The following KCNH7 variants were observed in gnomAD, a reference collection of about 807,000 sequenced individuals.
The protein encoded by KCNH7 is voltage-gated inwardly rectifying potassium channel KCNH7.
In KCNH7, 49 loss-of-function variants were observed where a neutral mutation model predicts 120.8. That is an observed-to-expected ratio of 0.41 (90% CI 0.32 to 0.51). The LOEUF (loss-of-function observed/expected upper bound fraction) is 0.51, where lower values mean the gene tolerates loss of function less well. Ranked by LOEUF, KCNH7 falls within the 20% of genes least tolerant of loss-of-function variation. The pLI is 0.38. For synonymous variants in KCNH7, 547 were observed against 516.1 expected, an observed-to-expected ratio of 1.06 and a Z score of -0.81; for missense variants, 1,097 against 1,446.6, an observed-to-expected ratio of 0.76 and a Z score of 3.92.
Position 162,518,018 on chromosome 2 carries a change from A to G in KCNH7, c.604T>C (p.Ser202Pro). 1 of 1,612,388 alleles carries G rather than the reference A, an allele frequency of 6.2e-7. No individual in the cohort carries two copies. Among genetic ancestry groups the G allele is most frequent in the Non-Finnish European group, 8.5e-7 (1 of 1,178,904 alleles). The change falls in exon 4 of 16, where the codon TCT becomes CCT. Residue 202 changes from serine (S) to proline (P), a missense_variant. By Grantham distance (74) the Ser-to-Pro change is moderately conservative. Transcript: ENST00000332142. Reference protein sequence around the residue: ...DDSVAMKHFKSPTKESCSPSE... With the variant: ...DDSVAMKHFKPPTKESCSPSE... Reference sequence around the variant, plus strand: ...GGGCTGCAGCTTTCTTTTGTAGGAGACTTAAAATGCTTCATGGCTACTGAA... The same window carrying G: ...GGGCTGCAGCTTTCTTTTGTAGGAGGCTTAAAATGCTTCATGGCTACTGAA...
intron 6 of KCNH7, among the ~76,000 whole-genome samples, chr2:162,455,731 G>A (rs957048019): frequency 6.6e-6 from 1 of 152,082 alleles, no homozygotes; most frequent in Non-Finnish European, 1.5e-5. Context: ...GCATAGAGGT[G>A]TTTATATTAT....
intron 9 of KCNH7, among the ~76,000 whole-genome samples, chr2:162,416,216 T>C (rs1044031250): frequency 6.6e-6 from 1 of 151,576 alleles, no homozygotes; most frequent in African/African-American, 2.4e-5. Flanking sequence ...CTACTAAAAA[T>C]ACAAAAATTA....
intron 2 of KCNH7, among the ~76,000 whole-genome samples, chr2:162,609,166 C>T (rs893893353): frequency 3.9e-5 from 6 of 152,270 alleles, no homozygotes; most frequent in African/African-American, 1.4e-4. Flanking sequence ...GCTTTTCCTA[C>T]ACAAACCCAA....
At chr2:162,836,450 T>TG in intron 2 of KCNH7, 87 bp downstream of exon 2, 1 of 933,338 alleles carries the variant, frequency 1.1e-6, no homozygotes. Flanking sequence ...TTGAACATTT[T>TG]GGGCTTCTTT....
chr2:162,652,926 TTC>T (rs1323561356), intron 2 of KCNH7, among the ~76,000 whole-genome samples: 2 of 151,836 alleles, frequency 1.3e-5, no homozygotes, highest in African/African-American at 4.9e-5. Flanking sequence ...GGATAAAACC[TTC>T]TTTCATTTTT....
At chr2:162,458,092 T>C (rs1689027735) in intron 6 of KCNH7, among the ~76,000 whole-genome samples, 1 of 146,866 alleles carries the variant, frequency 6.8e-6, no homozygotes, top group South Asian at 2.1e-4. Flanking sequence ...AAAATAGATA[T>C]TTGGCTATGT....
intron 6 of KCNH7, among the ~76,000 whole-genome samples, chr2:162,472,082 T>A (rs1340786307): frequency 1.3e-5 from 2 of 152,132 alleles, no homozygotes; most frequent in Admixed American, 1.3e-4. Context: ...TATACAAAAA[T>A]TAATTCAAGA....
chr2:162,632,433 A>C (rs998109965), intron 2 of KCNH7, among the ~76,000 whole-genome samples: 1 of 151,962 alleles, frequency 6.6e-6, no homozygotes, highest in East Asian at 1.9e-4. Context: ...TAGGATATCA[A>C]TTTCCCTTGA....
chr2:162,687,631 A>G (rs1479573831), intron 2 of KCNH7, among the ~76,000 whole-genome samples: 2 of 152,096 alleles, frequency 1.3e-5, no homozygotes, highest in Admixed American at 1.3e-4. Context: ...AAAGTTGGCA[A>G]ATGCTACAAA....
At chr2:162,825,235 G>C (rs2105602319) in intron 2 of KCNH7, among the ~76,000 whole-genome samples, 1 of 152,050 alleles carries the variant, frequency 6.6e-6, no homozygotes, top group Non-Finnish European at 1.5e-5. Context: ...AGGATACTCA[G>C]CTATTCAAGA....
chr2:162,634,657 A>G (rs1208044178), intron 2 of KCNH7, among the ~76,000 whole-genome samples: 1 of 152,014 alleles, frequency 6.6e-6, no homozygotes, highest in East Asian at 1.9e-4. Flanking sequence ...CCGCGGTTCC[A>G]GTGCAAGTCC....
At chr2:162,752,379 G>GAAATCATT (rs1415076261) in intron 2 of KCNH7, among the ~76,000 whole-genome samples, 2 of 152,086 alleles carry the variant, frequency 1.3e-5, no homozygotes, top group Non-Finnish European at 2.9e-5. Flanking sequence ...TCATTTCTTT[G>GAAATCATT]AAATCATTAC....
chr2:162,689,143 C>CCATTATTATTAT (rs1553514322), intron 2 of KCNH7, among the ~76,000 whole-genome samples: 1 of 149,696 alleles, frequency 6.7e-6, no homozygotes, highest in African/African-American at 2.5e-5. Context: ...CATTTAGTTA[C>CCATTATTATTAT]TATTATTATT....
At chr2:162,701,903 A>T (rs903921713) in intron 2 of KCNH7, among the ~76,000 whole-genome samples, 1 of 151,774 alleles carries the variant, frequency 6.6e-6, no homozygotes, top group African/African-American at 2.4e-5. Flanking sequence ...GCTACTTGGG[A>T]GGTTGAGGCA....
chr2:162,471,993 T>G (rs936224491), intron 6 of KCNH7, among the ~76,000 whole-genome samples: 14 of 152,314 alleles, frequency 9.2e-5, no homozygotes, highest in African/African-American at 3.4e-4. Flanking sequence ...GGAGAAAGGA[T>G]TCCCTATTTA....
chr2:162,631,215 A>C (rs1247448376), intron 2 of KCNH7, among the ~76,000 whole-genome samples: 1 of 152,140 alleles, frequency 6.6e-6, no homozygotes, highest in Non-Finnish European at 1.5e-5. Flanking sequence ...GTTCTGCTGC[A>C]CTTTCACCAG....
intron 2 of KCNH7, among the ~76,000 whole-genome samples, chr2:162,685,489 G>A (rs1376480324): frequency 6.6e-6 from 1 of 152,086 alleles, no homozygotes; most frequent in Non-Finnish European, 1.5e-5. Context: ...GAATTGTCTA[G>A]CAAGAGGATG....
intron 2 of KCNH7, among the ~76,000 whole-genome samples, chr2:162,587,772 C>T (rs537512472): frequency 6.6e-6 from 1 of 152,046 alleles, no homozygotes. Context: ...AATAGTCAAA[C>T]ATTTACTTCT....
intron 2 of KCNH7, among the ~76,000 whole-genome samples, chr2:162,601,399 CTTTTTTTTTTTTTTTTT>C (rs60201823): frequency 2.1e-4 from 2 of 9,602 alleles, no homozygotes; most frequent in African/African-American, 1.1e-3. Flanking sequence ...ACTTCTTGTG[CTTTTTTTTTTTTTTTTT>C]TTTTTTTTTT....
Sources: allele counts gnomAD v4.1 joint callset (sites outside exome capture counted in the v4.1 genomes callset), GRCh38; gene constraint gnomAD v4.1.1; transcripts MANE v1.5; gene names NCBI Gene and HGNC (gene_info 2026-07-23, HGNC 2026-07-21).